The following LRCH1 variants were observed in gnomAD, a reference collection of about 807,000 sequenced individuals.
LRCH1 encodes leucine rich repeats and calponin homology domain containing 1.
In LRCH1, 23 loss-of-function variants were observed where a neutral mutation model predicts 94.9. That is an observed-to-expected ratio of 0.24 (90% CI 0.17 to 0.34). LRCH1 has a LOEUF of 0.34. Among genes scored for constraint, LRCH1 ranks in the 10% least tolerant of loss-of-function variants. The probability of loss-of-function intolerance (pLI) is 1.00; values close to 1 mark genes in which losing one functional copy is unlikely to be tolerated. For synonymous variants in LRCH1, 364 were observed against 354.9 expected, an observed-to-expected ratio of 1.03 and a Z score of -0.29; for missense variants, 790 against 945.9, an observed-to-expected ratio of 0.84 and a Z score of 2.16.
At chr13:46,556,323 CAT>C (rs1291857755) in intron 1 of LRCH1, among the ~76,000 whole-genome samples, 2 of 152,192 alleles carry the variant, frequency 1.3e-5, no homozygotes, top group Non-Finnish European at 2.9e-5. Flanking sequence ...AACAAAGAAA[CAT>C]AGAATAGATG....
chr13:46,608,880 A>G (rs2050716291), intron 1 of LRCH1, among the ~76,000 whole-genome samples: 1 of 152,220 alleles, frequency 6.6e-6, no homozygotes, highest in South Asian at 2.1e-4. Context: ...TACACATTGC[A>G]TGCATTCTCC....
chr13:46,743,407 T>A lies in LRCH1; in HGVS notation c.*1559T>A. 1.0e-6 allele frequency: 1 copy of A among 985,856 alleles called. No homozygotes were observed. Among genetic ancestry groups the A allele is most frequent in the Non-Finnish European group, 1.2e-6 (1 of 829,916 alleles). The allele number at this position is 985,856 out of a possible 1,614,324, so 61.1% of individuals were successfully genotyped here. ...TTTTTCCTCCTGACTTTGTGTTGAT[T>A]GGTGAAATGCAGGGTATGTGGAAGT... On this transcript the variant is annotated 3_prime_UTR_variant, in exon 20 of 20. Coordinates refer to ENST00000389797, the MANE Select transcript of LRCH1 (RefSeq NM_001164211.2).
chr13:46,590,510 C>T (rs903851629), intron 1 of LRCH1, among the ~76,000 whole-genome samples: 2 of 152,182 alleles, frequency 1.3e-5, no homozygotes, highest in South Asian at 4.1e-4. Flanking sequence ...ATTTAAAACT[C>T]TCTTCTTGGC....
intron 13 of LRCH1, among the ~76,000 whole-genome samples, chr13:46,711,565 G>A (rs554368193): frequency 6.6e-6 from 1 of 152,136 alleles, no homozygotes; most frequent in African/African-American, 2.4e-5. Context: ...CTTTATCTTA[G>A]TTTGTATAAT....
chr13:46,673,684 T>G (rs2051631363), intron 3 of LRCH1, among the ~76,000 whole-genome samples: 1 of 152,202 alleles, frequency 6.6e-6, no homozygotes, highest in African/African-American at 2.4e-5. Flanking sequence ...CATTGTTTGT[T>G]AACTATTTTA....
rs574322167 is a variant in LRCH1, at chr13:46,555,012, A to T, written c.307+1309A>T. ...CCCCCTTTTAATTCAATAAACATTT[A>T]TCTAGAGCCTTAATGAATATTTAGA... On this transcript the variant is annotated intron_variant, in intron 1 of 19. Coordinates refer to ENST00000389797, the MANE Select transcript of LRCH1 (RefSeq NM_001164211.2). Among the ~76,000 whole-genome samples, 8 of 152,316 alleles carry T rather than the reference A, an allele frequency of 5.3e-5. No individual in the cohort carries two copies. The East Asian group carries it at 1.5e-3, about 29-fold the overall frequency.
At chr13:46,632,699 TA>T (rs979544920) in intron 1 of LRCH1, among the ~76,000 whole-genome samples, 53 of 151,918 alleles carry the variant, frequency 3.5e-4, no homozygotes, top group African/African-American at 1.2e-3. Context: ...AACCCTTGTT[TA>T]AAAAAAATAT....
chr13:46,615,559 A>T (rs1349242713), intron 1 of LRCH1, among the ~76,000 whole-genome samples: 2 of 152,006 alleles, frequency 1.3e-5, no homozygotes, highest in African/African-American at 4.8e-5. Context: ...ATAAGATGCA[A>T]CTCTAGGAAT....
chr13:46,596,579 C>T (rs936391510), intron 1 of LRCH1, among the ~76,000 whole-genome samples: 7 of 152,154 alleles, frequency 4.6e-5, no homozygotes, highest in African/African-American at 1.4e-4. Context: ...GGAACAGAGA[C>T]ATCTTTGTTA....
At chr13:46,612,499 A>G (rs2050758457) in intron 1 of LRCH1, among the ~76,000 whole-genome samples, 1 of 152,188 alleles carries the variant, frequency 6.6e-6, no homozygotes, top group Non-Finnish European at 1.5e-5. Context: ...TAAATTCATC[A>G]GAAGAGCTCA....
At chr13:46,751,755 G>A (rs1286741023) in exon 19 of LRCH1, 1 of 152,206 alleles carries the variant, frequency 6.6e-6, no homozygotes, top group Admixed American at 6.5e-5. Flanking sequence ...ATGATAAAAA[G>A]TTGATTGTTG....
chr13:46,606,007 G>C (rs1350748570), intron 1 of LRCH1, among the ~76,000 whole-genome samples: 1 of 152,204 alleles, frequency 6.6e-6, no homozygotes, highest in Non-Finnish European at 1.5e-5. Context: ...CAGTAAGTGA[G>C]TGATGAAGCT....
chr13:46,571,706 A>G (rs1367949582), intron 1 of LRCH1, among the ~76,000 whole-genome samples: 1 of 152,200 alleles, frequency 6.6e-6, no homozygotes, highest in Admixed American at 6.5e-5. Flanking sequence ...CCAACAGACC[A>G]AGGTCAAATT....
intron 2 of LRCH1, among the ~76,000 whole-genome samples, chr13:46,663,048 C>G (rs2051469849): frequency 1.3e-5 from 2 of 152,094 alleles, no homozygotes; most frequent in South Asian, 4.1e-4. Context: ...TTTTTCTAGT[C>G]TGAAAACATT....
chr13:46,562,810 A>G (rs1200738345), intron 1 of LRCH1, among the ~76,000 whole-genome samples: 2 of 152,166 alleles, frequency 1.3e-5, no homozygotes, highest in Non-Finnish European at 2.9e-5. Context: ...CTAGCCCTGC[A>G]CACACTAGCT....
chr13:46,704,987 T>G lies in LRCH1; in HGVS notation c.1401-81T>G, dbSNP rs978186437. On this transcript the variant is annotated intron_variant, in intron 11 of 19. Transcript: ENST00000389797. Reference sequence around the variant, plus strand: ...CATAACTTTTTAGTAAATTAAAAATTTAAACTGAATAAGACCAATAGAATT... The same window carrying G: ...CATAACTTTTTAGTAAATTAAAAATGTAAACTGAATAAGACCAATAGAATT... 4 of 719,770 alleles carry G rather than the reference T, an allele frequency of 5.6e-6. No individual in the cohort carries two copies. In the African/African-American group the frequency reaches 7.4e-5, roughly 13 times the overall value. 44.6% of individuals were successfully genotyped at this position (719,770 alleles called of 1,614,324 possible).
chr13:46,706,716 A>G (rs1417120123), intron 13 of LRCH1, among the ~76,000 whole-genome samples: 1 of 151,970 alleles, frequency 6.6e-6, no homozygotes, highest in Non-Finnish European at 1.5e-5. Flanking sequence ...TCACACCTGT[A>G]ATAATAATTT....
At chr13:46,701,396 A>G (rs550150107) in intron 11 of LRCH1, among the ~76,000 whole-genome samples, 189 bp downstream of exon 11, 1 of 152,174 alleles carries the variant, frequency 6.6e-6, no homozygotes, top group Non-Finnish European at 1.5e-5. Context: ...TTCTGGAGGG[A>G]GTGAGATCAA....
In LRCH1 at chr13:46,586,699, G is replaced by A. The variant is rs570507443; in HGVS notation, c.307+32996G>A. 4.6e-5 allele frequency among the ~76,000 whole-genome samples: 7 copies of A among 152,300 alleles called. No individual in the cohort carries two copies. In the South Asian group the frequency reaches 8.3e-4, roughly 18 times the overall value. On this transcript the variant is annotated intron_variant, in intron 1 of 19. Transcript: ENST00000389797. ...CTCTCAAAGTGCTGGGATTACAGGC[G>A]TGAGCCACCATGCCCAGCTTCAGTT...
Sources: gnomAD v4.1 joint callset for allele counts (sites outside exome capture counted in the v4.1 genomes callset) on GRCh38, gnomAD v4.1.1 for gene constraint, MANE v1.5 for transcripts, NCBI Gene and HGNC (gene_info 2026-07-23, HGNC 2026-07-21) for gene names.